Variants in ASXL3 observed in about 807,000 individuals in gnomAD.
ASXL3 encodes the protein putative Polycomb group protein ASXL3.
A neutral mutation model predicts 170.6 loss-of-function variants in ASXL3; 34 were observed. The ratio of observed to expected loss-of-function variants is 0.20; its 90% confidence interval spans 0.15 to 0.27. The LOEUF is 0.27. ASXL3 is among the 10% of genes least tolerant of loss of function. The pLI is 1.00. For synonymous variants in ASXL3, 1,002 were observed against 989.1 expected, an observed-to-expected ratio of 1.01 and a Z score of -0.24; for missense variants, 2,592 against 2,695.3, an observed-to-expected ratio of 0.96 and a Z score of 0.85.
At position 33,749,395 on chromosome 18, in the gene ASXL3, A is replaced by G. The variant is rs2067849052; in HGVS notation, c.*2800A>G. The G allele has an allele frequency of 6.6e-6, 1 of 152,026 alleles. No individual in the cohort carries two copies. 9.4% of individuals were successfully genotyped at this position (152,026 alleles called of 1,614,324 possible). On this transcript the variant is annotated 3_prime_UTR_variant, in exon 12 of 12. Coordinates refer to ENST00000269197, the MANE Select transcript of ASXL3 (RefSeq NM_030632.3). ...GTGCATTATCCTGATTACTGGACAC[A>G]GTTTTATTCTTATCAGGAATAGAAC...
In ASXL3 at chr18:33,709,224, C is replaced by T. The variant is rs138692797; in HGVS notation, c.880-22744C>T. On this transcript the variant is annotated intron_variant, in intron 8 of 11. Coordinates refer to ENST00000269197, the MANE Select transcript of ASXL3 (RefSeq NM_030632.3). Reference sequence around the variant, plus strand: ...ACTGCTTCTTTGAAAAATGGTTTGACAGTATTTATTAAAGTTGACCTAGCA... The same window carrying T: ...ACTGCTTCTTTGAAAAATGGTTTGATAGTATTTATTAAAGTTGACCTAGCA... 4.9e-3 allele frequency among the ~76,000 whole-genome samples: 745 copies of T among 150,826 alleles called. 7 individuals are homozygous for T. Among genetic ancestry groups the T allele is most frequent in the African/African-American group, 0.017 (711 of 41,066 alleles).
chr18:33,659,320 A>G (rs1208438445), intron 4 of ASXL3, among the ~76,000 whole-genome samples: 1 of 152,144 alleles, frequency 6.6e-6, no homozygotes, highest in Admixed American at 6.6e-5. Context: ...ATGCAGAAGC[A>G]TTCTCATATT....
chr18:33,622,389 C>A (rs1356427628), intron 2 of ASXL3, among the ~76,000 whole-genome samples: 6 of 152,006 alleles, frequency 3.9e-5, no homozygotes, highest in African/African-American at 1.2e-4. Context: ...TTTATTAAAC[C>A]CTTTGCATTT....
intron 1 of ASXL3, among the ~76,000 whole-genome samples, chr18:33,595,095 T>G (rs958146515): frequency 6.6e-6 from 1 of 152,182 alleles, no homozygotes; most frequent in Admixed American, 6.6e-5. Flanking sequence ...TGCTTCATAT[T>G]TTTAAAATGT....
intron 4 of ASXL3, 45 bp downstream of exon 4, chr18:33,646,398 A>G: frequency 1.5e-6 from 2 of 1,367,916 alleles, no homozygotes; most frequent in Non-Finnish European, 2.0e-6. Context: ...TTCTCTTAAA[A>G]GTTATATAGA....
rs1350790956 is a variant in ASXL3, at chr18:33,661,780, A to G, written c.477+43A>G. On this transcript the variant is annotated intron_variant, in intron 5 of 11. Coordinates refer to ENST00000269197, the MANE Select transcript of ASXL3 (RefSeq NM_030632.3). The stretch of plus-strand genomic sequence containing the variant: ...TATTCTTTGTCCTTCAGTTCTGCAT[A>G]CTTAAGGTAATGTGTGTTTTGCTGA... 4 of 1,584,690 alleles carry G rather than the reference A, an allele frequency of 2.5e-6. No homozygotes were observed. The East Asian group carries it at 9.1e-5, about 36-fold the overall frequency.
chr18:33,646,421 CATTAATTG>C, intron 4 of ASXL3, 68 bp downstream of exon 4: 1 of 1,138,594 alleles, frequency 8.8e-7, no homozygotes. Context: ...GCCAATGATT[CATTAATTG>C]AATTTCCCAC....
Position 33,739,830 on chromosome 18 carries a change from A to C in ASXL3, c.2426A>C (p.Glu809Ala). Residue 809 changes from glutamate (E) to alanine (A), a missense_variant, in exon 11 of 12, where the codon GAA (glutamate) becomes GCA (alanine). Physicochemically the swap from Glu to Ala is moderately radical, Grantham distance 107. Around this residue, in one of 4 missense-constraint regions of ASXL3, gnomAD observed 2,246 missense variants for 2,219.6 expected, o/e 1.01. Transcript: ENST00000269197. ...SQQKNLSNTP[E>A]PIIMSSSSIA... ...CAGAAGAATCTGTCTAATACTCCCG[A>C]ACCCATCATAATGAGTTCTTCTTCC... The C allele has an allele frequency of 5.0e-6, 8 of 1,613,882 alleles. No individual in the cohort carries two copies. Among genetic ancestry groups the C allele is most frequent in the South Asian group, 1.1e-5 (1 of 91,070 alleles).
intron 5 of ASXL3, among the ~76,000 whole-genome samples, chr18:33,668,457 C>A (rs1386345982): frequency 1.3e-5 from 2 of 150,838 alleles, no homozygotes; most frequent in African/African-American, 2.4e-5. Flanking sequence ...GAAAAAAAAT[C>A]TTTTTATATA....
intron 11 of ASXL3, among the ~76,000 whole-genome samples, chr18:33,740,967 T>C (rs952338810): frequency 6.6e-6 from 1 of 152,306 alleles, no homozygotes; most frequent in South Asian, 2.1e-4. Flanking sequence ...CTCAAGCTTT[T>C]TAAATTAAAA....
In ASXL3 at chr18:33,691,408, C is replaced by T. The variant is rs1599500397; in HGVS notation, c.879+7840C>T. ...CTTTACTCTCCTCAAATGATCCTAA[C>T]TTGAAGGAGCTGTTGTGGCTGCTAA... On this transcript the variant is annotated intron_variant, in intron 8 of 11. Coordinates refer to ENST00000269197, the MANE Select transcript of ASXL3 (RefSeq NM_030632.3). 1.3e-5 allele frequency among the ~76,000 whole-genome samples: 2 copies of T among 152,312 alleles called. 1 individual carries two copies. The highest frequency in any genetic ancestry group is 3.9e-4 in the East Asian group (2 of 5,184).
chr18:33,580,184 G>A (rs371322396), intron 1 of ASXL3, among the ~76,000 whole-genome samples: 9 of 152,206 alleles, frequency 5.9e-5, no homozygotes, highest in East Asian at 5.8e-4. Context: ...CTCACTCTGT[G>A]GATGAATGGG....
intron 1 of ASXL3, 108 bp downstream of exon 1, chr18:33,578,793 C>G (rs1183728406): frequency 4.5e-5 from 31 of 682,292 alleles, no homozygotes; most frequent in Admixed American, 1.1e-4. Context: ...AGCCGCCGCC[C>G]GCTCGCCGGG....
chr18:33,728,752 T>G (rs1462655644), intron 8 of ASXL3, among the ~76,000 whole-genome samples: 1 of 152,196 alleles, frequency 6.6e-6, no homozygotes, highest in Non-Finnish European at 1.5e-5. Context: ...TTTTGTTGCC[T>G]TTTACTGAAA....
intron 2 of ASXL3, among the ~76,000 whole-genome samples, chr18:33,633,051 T>C (rs554211199): frequency 6.6e-6 from 1 of 152,224 alleles, no homozygotes; most frequent in Non-Finnish European, 1.5e-5. Flanking sequence ...TTCTGTCCAT[T>C]TGTGCTTCCC....
At chr18:33,725,849 CCA>C (rs1164139757) in intron 8 of ASXL3, among the ~76,000 whole-genome samples, 10 of 152,262 alleles carry the variant, frequency 6.6e-5, no homozygotes, top group African/African-American at 2.4e-4. Context: ...TTTCTCAGCC[CCA>C]GTGATCACTC....
At chr18:33,625,118 C>A (rs896268443) in intron 2 of ASXL3, among the ~76,000 whole-genome samples, 7 of 151,970 alleles carry the variant, frequency 4.6e-5, no homozygotes, top group Non-Finnish European at 7.4e-5. Flanking sequence ...AATATGGTTT[C>A]TTCTTTTGTA....
Position 33,702,217 on chromosome 18 carries a change from A to C in ASXL3, c.879+18649A>C, listed in dbSNP as rs143612591. Among the ~76,000 whole-genome samples, 386 of 152,308 alleles carry C rather than the reference A, an allele frequency of 2.5e-3. 3 individuals are homozygous for C. Among genetic ancestry groups the C allele is most frequent in the African/African-American group, 8.9e-3 (372 of 41,572 alleles). ...AATCCAACATCAAGCATTTCATAGA[A>C]GATTTTCTTGTCTGATTGTTTTCTA... On this transcript the variant is annotated intron_variant, in intron 8 of 11. Coordinates refer to ENST00000269197, the MANE Select transcript of ASXL3 (RefSeq NM_030632.3).
At chr18:33,688,376 G>A (rs1244824640) in intron 8 of ASXL3, among the ~76,000 whole-genome samples, 1 of 152,194 alleles carries the variant, frequency 6.6e-6, no homozygotes, top group Admixed American at 6.5e-5. Flanking sequence ...TCGAAATTGA[G>A]TTTTATTTTT....
Sources: allele counts gnomAD v4.1 joint callset (sites outside exome capture counted in the v4.1 genomes callset), GRCh38; gene constraint gnomAD v4.1.1; regional missense constraint gnomAD v4.1.1; transcripts MANE v1.5; gene names NCBI Gene and HGNC (gene_info 2026-07-23, HGNC 2026-07-21).